MAK: variants seen among roughly 807,000 people sequenced by gnomAD.
The protein encoded by MAK is serine/threonine-protein kinase MAK.
In MAK, 65 loss-of-function variants were observed where a neutral mutation model predicts 82.6. The observed-to-expected ratio is 0.79, with a 90% confidence interval of 0.64 to 0.97. MAK has a LOEUF of 0.97. Ranked by LOEUF, MAK falls within the 50% of genes least tolerant of loss-of-function variation. MAK has a pLI of 0.00. For synonymous variants in MAK, 250 were observed against 274.2 expected, an observed-to-expected ratio of 0.91 and a Z score of 0.87; for missense variants, 703 against 780.2, an observed-to-expected ratio of 0.90 and a Z score of 1.18.
chr6:10,802,960 A>G (rs773218418), intron 7 of MAK, among the ~76,000 whole-genome samples: 4 of 152,186 alleles, frequency 2.6e-5, no homozygotes, highest in Admixed American at 1.3e-4. Flanking sequence ...CAAGAAGTCA[A>G]ATATCCACAG....
At chr6:10,831,198 C>A (rs976341561) in intron 1 of MAK, among the ~76,000 whole-genome samples, 3 of 152,052 alleles carry the variant, frequency 2.0e-5, no homozygotes, top group African/African-American at 7.2e-5. Flanking sequence ...TATATGATAT[C>A]CATTCTTTGA....
chr6:10,833,722 T>A (rs1392840037), intron 1 of MAK, among the ~76,000 whole-genome samples: 1 of 151,928 alleles, frequency 6.6e-6, no homozygotes, highest in African/African-American at 2.4e-5. Flanking sequence ...TTAGGCTAGC[T>A]AACTCCATGG....
At position 10,781,117 on chromosome 6, in the gene MAK, C is replaced by G. The variant is rs115137547; in HGVS notation, c.1465+3307G>C. Reference sequence around the variant, plus strand: ...TCTACACGCAAACCTGCTCGGAGCACTGCTGAAATGCTTCATTCCATTTCT... The same window carrying G: ...TCTACACGCAAACCTGCTCGGAGCAGTGCTGAAATGCTTCATTCCATTTCT... On this transcript the variant is annotated intron_variant, in intron 11 of 14. Transcript: ENST00000354489. Among the ~76,000 whole-genome samples, 750 of 152,258 alleles carry G rather than the reference C, an allele frequency of 4.9e-3. 7 individuals carry two copies. Among genetic ancestry groups the G allele is most frequent in the African/African-American group, 0.016 (651 of 41,536 alleles).
intron 2 of MAK, among the ~76,000 whole-genome samples, chr6:10,823,064 G>A (rs1038715452): frequency 2.0e-5 from 3 of 152,032 alleles, no homozygotes; most frequent in Non-Finnish European, 4.4e-5. Context: ...TTTCTAGACC[G>A]CTCAAAAGGT....
At chr6:10,827,103 C>T (rs1177996504) in intron 2 of MAK, among the ~76,000 whole-genome samples, 3 of 152,092 alleles carry the variant, frequency 2.0e-5, no homozygotes, top group African/African-American at 7.2e-5. Context: ...GAGCAAGAAT[C>T]CATCTCAAAA....
At chr6:10,768,110 TA>T (rs1163363931) in intron 14 of MAK, among the ~76,000 whole-genome samples, 2 of 151,728 alleles carry the variant, frequency 1.3e-5, no homozygotes, top group African/African-American at 4.8e-5. Flanking sequence ...AGCATTTACT[TA>T]AAAAAAATGA....
chr6:10,808,321 T>TG (rs1222328091), intron 6 of MAK, among the ~76,000 whole-genome samples: 1 of 152,226 alleles, frequency 6.6e-6, no homozygotes, highest in Non-Finnish European at 1.5e-5. Flanking sequence ...TTCGTTCTCA[T>TG]TGTTGCAAAG....
intron 4 of MAK, among the ~76,000 whole-genome samples, chr6:10,815,912 G>GTGTGTGTATA (rs1554184483): frequency 7.4e-5 from 8 of 108,336 alleles, no homozygotes; most frequent in South Asian, 5.8e-4. Context: ...GCTTTATACA[G>GTGTGTGTATA]TATATATATA....
In MAK at chr6:10,830,615, C is replaced by T. The variant is rs2127590557; in HGVS notation, c.34G>A (p.Asp12Asn). The T allele has an allele frequency of 6.2e-7, 1 of 1,614,074 alleles. No homozygotes were observed. Among genetic ancestry groups the T allele is most frequent in the Non-Finnish European group, 8.5e-7 (1 of 1,179,940 alleles). ...ATAAGCACACTCCCATACGTGCCGT[C>T]CCCCAACTGTCTCATGGTTGTGTAT... ...NRYTTMRQLG[D>N]GTYGSVLMGK... Residue 12 changes from aspartate to asparagine, a missense_variant, in exon 2 of 15, where the codon GAC (aspartate) becomes AAC (asparagine). Physicochemically the swap from Asp to Asn is conservative, Grantham distance 23. Coordinates refer to ENST00000354489, the MANE Select transcript of MAK (RefSeq NM_001242957.3).
intron 12 of MAK, among the ~76,000 whole-genome samples, chr6:10,775,071 G>A (rs945605500): frequency 6.6e-6 from 1 of 152,174 alleles, no homozygotes; most frequent in Middle Eastern, 3.4e-3. Flanking sequence ...GCCCACCTCC[G>A]CCTCCCAAAG....
Position 10,818,861 on chromosome 6 carries a change from GTTCTT to G in MAK, c.156+20_156+24del, listed in dbSNP as rs1376958207. On this transcript the variant is annotated intron_variant, in intron 3 of 14. Coordinates refer to ENST00000354489, the MANE Select transcript of MAK (RefSeq NM_001242957.3). Reference sequence around the variant, plus strand: ...TCAGGTAGTGTTAAGGCCTTCTCAGGTTCTTTTCATCTTTAGGATTTTACCTTAAC... The same window carrying G: ...TCAGGTAGTGTTAAGGCCTTCTCAGGTTCATCTTTAGGATTTTACCTTAAC... 2.1e-6 allele frequency: 3 copies of G among 1,410,110 alleles called. No individual in the cohort carries two copies. The highest frequency in any genetic ancestry group is 3.0e-6 in the Non-Finnish European group (3 of 997,526). The allele number at this position is 1,410,110 out of a possible 1,614,324, so 87.3% of individuals were successfully genotyped here.
At chr6:10,797,735 A>G in intron 8 of MAK, 1 of 1,190,166 alleles carries the variant, frequency 8.4e-7, no homozygotes, top group Non-Finnish European at 1.1e-6. Flanking sequence ...GCCCTGACCA[A>G]CAGTTAACTC....
intron 14 of MAK, among the ~76,000 whole-genome samples, chr6:10,768,775 T>TA (rs1772704259): frequency 6.6e-6 from 1 of 152,092 alleles, no homozygotes; most frequent in Non-Finnish European, 1.5e-5. Flanking sequence ...CGGCAAGAAA[T>TA]AAAAAAATAA....
rs1581778280 is a variant in MAK at position 10,830,793 on chromosome 6, T to A, written c.-145A>T. 3 of 705,236 alleles carry A rather than the reference T, an allele frequency of 4.3e-6. No homozygotes were observed. The East Asian group carries it at 8.2e-5, about 19-fold the overall frequency. 43.7% of individuals were successfully genotyped at this position (705,236 alleles called of 1,614,324 possible). On this transcript the variant is annotated 5_prime_UTR_variant, in exon 2 of 15. Transcript: ENST00000354489. ...ACAGGTTTGTCATCATTAAATATAG[T>A]CTCTCCCCCAAGATTACAGAGGTTC...
At chr6:10,781,189 C>T (rs1404873166) in intron 11 of MAK, among the ~76,000 whole-genome samples, 1 of 152,138 alleles carries the variant, frequency 6.6e-6, no homozygotes, top group African/African-American at 2.4e-5. Flanking sequence ...AAAATGAGGC[C>T]TGCCATGTTT....
intron 10 of MAK, 100 bp downstream of exon 10, chr6:10,791,575 A>C: frequency 8.5e-7 from 1 of 1,183,298 alleles, no homozygotes; most frequent in East Asian, 2.5e-5. Flanking sequence ...CCTGTTAAGC[A>C]AACTTTTCTT....
intron 14 of MAK, 131 bp from the exon 15 acceptor site, chr6:10,764,737 G>C: frequency 1.1e-6 from 1 of 947,436 alleles, no homozygotes; most frequent in Non-Finnish European, 1.7e-6. Context: ...AGTACTCTCT[G>C]AGGCTTTTTA....
intron 5 of MAK, among the ~76,000 whole-genome samples, chr6:10,813,290 A>G (rs1029775646): frequency 1.4e-5 from 2 of 146,772 alleles, no homozygotes; most frequent in African/African-American, 2.5e-5. Flanking sequence ...CTGGGATTAC[A>G]GGCGCCCGCC....
intron 4 of MAK, among the ~76,000 whole-genome samples, chr6:10,814,040 G>T (rs933198980): frequency 2.6e-5 from 4 of 151,912 alleles, no homozygotes; most frequent in African/African-American, 9.7e-5. Context: ...CGCAATCTCG[G>T]CTCACTGAAA....
Sources: gnomAD v4.1 joint callset for allele counts (sites outside exome capture counted in the v4.1 genomes callset) on GRCh38, gnomAD v4.1.1 for gene constraint, MANE v1.5 for transcripts, NCBI Gene and HGNC (gene_info 2026-07-23, HGNC 2026-07-21) for gene names.